Variants in NINJ2 observed in about 807,000 individuals in gnomAD.
The protein encoded by NINJ2 is ninjurin 2, also known as ninjurin-2.
NINJ2 carries 12 observed loss-of-function variants against 11.7 expected under a neutral mutation model. The ratio of observed to expected loss-of-function variants is 1.02; its 90% CI spans 0.66 to 1.66. The LOEUF is 1.66. Among genes scored for constraint, NINJ2 ranks in the 40% most tolerant of loss-of-function variants. NINJ2 has a pLI of 0.00. For missense variants in NINJ2, 187 were observed against 181.8 expected, an observed-to-expected ratio of 1.03 and a Z score of -0.16; for synonymous variants, 93 against 76.8, an observed-to-expected ratio of 1.21 and a Z score of -1.10.
chr12:659,625 C>A (rs1937929694), intron 1 of NINJ2, among the ~76,000 whole-genome samples: 1 of 152,236 alleles, frequency 6.6e-6, no homozygotes, highest in Non-Finnish European at 1.5e-5. Context: ...TGGAGGCCAC[C>A]TGCCCTGAGT....
chr12:639,824 A>G (rs1173630944), intron 1 of NINJ2, among the ~76,000 whole-genome samples: 1 of 152,242 alleles, frequency 6.6e-6, no homozygotes, highest in African/African-American at 2.4e-5. Context: ...TCCAGGTGTA[A>G]CAAATCCCAC....
At chr12:572,850 ATTTTT>A (rs539715060) in intron 1 of NINJ2, among the ~76,000 whole-genome samples, 81 of 96,146 alleles carry the variant, frequency 8.4e-4, no homozygotes, top group African/African-American at 3.2e-3. Flanking sequence ...AGAGCCTGTA[ATTTTT>A]TTTTTTTTTT....
chr12:603,891 C>T (rs1221798261), intron 1 of NINJ2, among the ~76,000 whole-genome samples: 1 of 152,082 alleles, frequency 6.6e-6, no homozygotes, highest in Non-Finnish European at 1.5e-5. Flanking sequence ...GAACTCCTGA[C>T]CTCAAGTGAT....
chr12:650,843 A>C (rs1415983779), intron 1 of NINJ2, among the ~76,000 whole-genome samples: 1 of 152,314 alleles, frequency 6.6e-6, no homozygotes, highest in East Asian at 1.9e-4. Context: ...AAAAAGCTGA[A>C]GAAACGGAAA....
At position 581,074 on chromosome 12, in the gene NINJ2, CCT is replaced by C. The variant is rs1352973305; in HGVS notation, c.34-14898_34-14897del. Among the ~76,000 whole-genome samples, 1 of 140,406 alleles carries C rather than the reference CCT, an allele frequency of 7.1e-6. No individual in the cohort carries two copies. Among genetic ancestry groups the C allele is most frequent in the Non-Finnish European group, 1.5e-5 (1 of 65,158 alleles). 92.1% of individuals were successfully genotyped at this position (140,406 alleles called of 152,430 possible). On this transcript the variant is annotated intron_variant, in intron 1 of 3. Coordinates refer to ENST00000305108, the MANE Select transcript of NINJ2 (RefSeq NM_016533.6). The surrounding 1 kb of genome is among the most constrained non-coding windows in gnomAD (Gnocchi z 4.9). ...GTGTCTGTGTGTGCGTGTCTCTGTGCCTCTGTGTGTGTGTGCATGTGTCTCTG... is the reference window on the plus strand; with the variant it reads ...GTGTCTGTGTGTGCGTGTCTCTGTGCCTGTGTGTGTGTGCATGTGTCTCTG...
chr12:586,677 C>G (rs1440549795), intron 1 of NINJ2, among the ~76,000 whole-genome samples: 1 of 152,218 alleles, frequency 6.6e-6, no homozygotes, highest in Non-Finnish European at 1.5e-5. Flanking sequence ...ACAGAACCAT[C>G]GGGGCAAGGG....
At chr12:643,373 G>C in intron 1 of NINJ2, 1 of 913,944 alleles carries the variant, frequency 1.1e-6, no homozygotes, top group Middle Eastern at 3.0e-4. Flanking sequence ...CTGAGTCCGC[G>C]GAGGAAAGGG....
chr12:635,473 A>G (rs919988235), intron 1 of NINJ2, among the ~76,000 whole-genome samples: 11 of 152,234 alleles, frequency 7.2e-5, no homozygotes, highest in Admixed American at 2.6e-4. Context: ...AGACCACTCA[A>G]TGGGGAAAGG....
chr12:572,598 GCA>G (rs911311170), intron 1 of NINJ2, among the ~76,000 whole-genome samples: 8 of 152,212 alleles, frequency 5.3e-5, no homozygotes, highest in African/African-American at 1.9e-4. Flanking sequence ...CACACTGTGT[GCA>G]CACACAGTGG....
At chr12:574,261 T>G (rs568925139) in intron 1 of NINJ2, among the ~76,000 whole-genome samples, 1 of 151,772 alleles carries the variant, frequency 6.6e-6, no homozygotes, top group Non-Finnish European at 1.5e-5. Context: ...TGGAGGGAGG[T>G]TGCAGTGAGC....
intron 1 of NINJ2, among the ~76,000 whole-genome samples, chr12:650,436 A>C (rs1937769555): frequency 6.6e-6 from 1 of 152,210 alleles, no homozygotes; most frequent in South Asian, 2.1e-4. Context: ...GCGGTGGCTC[A>C]CGCCTGTAAT....
chr12:598,827 G>C (rs975751127), intron 1 of NINJ2, among the ~76,000 whole-genome samples: 6 of 151,832 alleles, frequency 4.0e-5, no homozygotes, highest in Admixed American at 3.9e-4. Flanking sequence ...AGCTTCCCAA[G>C]TACCTGGGAC....
chr12:610,457 T>C (rs1211645399), intron 1 of NINJ2: 2 of 1,534,752 alleles, frequency 1.3e-6, no homozygotes, highest in Non-Finnish European at 1.7e-6. Context: ...GTCAGCCTGG[T>C]GGCTGAGAGG....
At chr12:610,217 C>A in intron 1 of NINJ2, 2 of 771,840 alleles carry the variant, frequency 2.6e-6, no homozygotes. Context: ...AGACACCCAG[C>A]AGACACAGAA....
intron 1 of NINJ2, among the ~76,000 whole-genome samples, chr12:660,425 C>G (rs555848023): frequency 6.7e-6 from 1 of 150,336 alleles, no homozygotes; most frequent in African/African-American, 2.4e-5. Context: ...ACCACAACCT[C>G]TGCCTCCCAG....
At chr12:657,167 A>G (rs867321745) in intron 1 of NINJ2, among the ~76,000 whole-genome samples, 12 of 152,358 alleles carry the variant, frequency 7.9e-5, no homozygotes, top group Middle Eastern at 6.8e-3. Flanking sequence ...TAACATTGAA[A>G]ACTTCTACTC....
At chr12:657,504 G>T (rs979941781) in intron 1 of NINJ2, among the ~76,000 whole-genome samples, 2 of 152,120 alleles carry the variant, frequency 1.3e-5, no homozygotes, top group Non-Finnish European at 2.9e-5. Flanking sequence ...CAGGAGGATC[G>T]CTTGAACCCG....
rs192884615 is a variant in NINJ2, at chr12:601,798, G to A, written c.34-35620C>T. Among the ~76,000 whole-genome samples, 184 of 152,286 alleles carry A rather than the reference G, an allele frequency of 1.2e-3. 1 individual carries two copies. In the East Asian group the frequency reaches 0.024, roughly 20 times the overall value. ...GGAGAATCACTTGAACCTGGGAGGC[G>A]GAGGTTGCAGTGAACCAAGATCATG... On this transcript the variant is annotated intron_variant, in intron 1 of 3. Transcript: ENST00000305108.
At chr12:643,513 C>G in intron 1 of NINJ2, 2 of 988,154 alleles carry the variant, frequency 2.0e-6, no homozygotes, top group Non-Finnish European at 2.4e-6. Flanking sequence ...AACTGTACCT[C>G]ATGTCCCCTC....
Sources: allele counts gnomAD v4.1 joint callset (sites outside exome capture counted in the v4.1 genomes callset), GRCh38; gene constraint gnomAD v4.1.1; non-coding constraint Gnocchi (gnomAD v3.1); transcripts MANE v1.5; gene names NCBI Gene and HGNC (gene_info 2026-07-23, HGNC 2026-07-21).